The following MYO5A variants were observed in gnomAD, a reference collection of about 807,000 sequenced individuals.
MYO5A encodes myosin VA, also known as unconventional myosin-Va.
A neutral mutation model predicts 249.7 loss-of-function variants in MYO5A; 98 were observed. The ratio of observed to expected loss-of-function variants is 0.39; its 90% CI spans 0.33 to 0.46. The LOEUF (loss-of-function observed/expected upper bound fraction) is 0.46. Ranked by LOEUF, MYO5A falls within the 20% of genes least tolerant of loss-of-function variation. MYO5A has a pLI of 0.98. For missense variants in MYO5A, 1,696 were observed against 2,308.8 expected, an observed-to-expected ratio of 0.73 and a Z score of 5.44; for synonymous variants, 778 against 810.6, an observed-to-expected ratio of 0.96 and a Z score of 0.68.
chr15:52,321,569 T>G, intron 37 of MYO5A, 60 bp from the exon 38 acceptor site: 1 of 1,566,732 alleles, frequency 6.4e-7, no homozygotes, highest in Admixed American at 1.7e-5. Context: ...TCAGTTTAAC[T>G]ATCTCCAATT....
In MYO5A at chr15:52,370,147, G is replaced by C. The variant is rs561167815; in HGVS notation, c.3066+22C>G. The stretch of plus-strand genomic sequence containing the variant: ...CTCTCTTTTGTGTACGGAGTAGATG[G>C]GGATATGGACATTATTCCTACCTGC... On this transcript the variant is annotated intron_variant, in intron 22 of 41. Coordinates refer to ENST00000399233, the MANE Select transcript of MYO5A (RefSeq NM_001382347.1). The C allele has an allele frequency of 1.5e-4, 242 of 1,613,608 alleles. 5 individuals are homozygous for C. In the South Asian group the frequency reaches 2.5e-3, roughly 17 times the overall value.
At position 52,369,556 on chromosome 15, in the gene MYO5A, T is replaced by G. The variant is rs2414143; in HGVS notation, c.3066+613A>C. Among the ~76,000 whole-genome samples, 67 of 152,338 alleles carry G rather than the reference T, an allele frequency of 4.4e-4. 1 individual carries two copies. The East Asian group carries it at 7.1e-3, about 16-fold the overall frequency. On this transcript the variant is annotated intron_variant, in intron 22 of 41. Transcript: ENST00000399233. Reference sequence around the variant, plus strand: ...GAGGGTTCCATCTGCGTAAAGCTGTTGGTTGCAATCACTGTGCAGACATTT... The same window carrying G: ...GAGGGTTCCATCTGCGTAAAGCTGTGGGTTGCAATCACTGTGCAGACATTT...
chr15:52,398,880 T>C (rs1202372925), intron 9 of MYO5A, among the ~76,000 whole-genome samples: 1 of 152,010 alleles, frequency 6.6e-6, no homozygotes, highest in Non-Finnish European at 1.5e-5. Flanking sequence ...TCCCAGCTAC[T>C]GGGGAGGCTG....
chr15:52,336,447 A>T lies in MYO5A; in HGVS notation c.4408+16T>A. ...ACCAAGACTCAGTGACCGTCTTGAA[A>T]AAAAGGTTTAAATACCTTCTAGTTC... On this transcript the variant is annotated intron_variant, in intron 34 of 41. Coordinates refer to ENST00000399233, the MANE Select transcript of MYO5A (RefSeq NM_001382347.1). 6.5e-7 allele frequency: 1 copy of T among 1,544,500 alleles called. No individual in the cohort carries two copies. Among genetic ancestry groups the T allele is most frequent in the South Asian group, 1.1e-5 (1 of 87,196 alleles).
intron 25 of MYO5A, among the ~76,000 whole-genome samples, chr15:52,355,126 T>G (rs2040152868): frequency 6.6e-6 from 1 of 152,208 alleles, no homozygotes; most frequent in African/African-American, 2.4e-5. Context: ...AATGGGCAGA[T>G]TCTACATTTA....
At chr15:52,327,798 G>T in intron 36 of MYO5A, 54 bp downstream of exon 36, 1 of 1,525,486 alleles carries the variant, frequency 6.6e-7, no homozygotes, top group East Asian at 2.3e-5. Flanking sequence ...AATCAGTGCA[G>T]ATTCTGTCAT....
rs568459548 is a variant in MYO5A, at chr15:52,463,044, T to G, written c.28-29759A>C. 2.6e-5 allele frequency among the ~76,000 whole-genome samples: 4 copies of G among 152,240 alleles called. No individual in the cohort carries two copies. The South Asian group carries it at 8.3e-4, about 32-fold the overall frequency. On this transcript the variant is annotated intron_variant, in intron 1 of 41. Coordinates refer to ENST00000399233, the MANE Select transcript of MYO5A (RefSeq NM_001382347.1). ...AGAGAAACTGACAGGACAATGGGAA[T>G]CATAACAGAAAGATCAAAATTGATT... is the stretch of plus-strand genomic sequence containing the variant.
At chr15:52,330,274 T>C (rs1162987804) in intron 35 of MYO5A, 79 bp downstream of exon 35, 1 of 1,571,788 alleles carries the variant, frequency 6.4e-7, no homozygotes, top group Non-Finnish European at 8.8e-7. Flanking sequence ...GCTGAATATC[T>C]CAAAAATTAG....
chr15:52,319,146 C>T lies in MYO5A; in HGVS notation c.5148G>A (p.Gln1716=). 1 of 1,614,226 alleles carries T rather than the reference C, an allele frequency of 6.2e-7. No homozygotes were observed. The highest frequency in any genetic ancestry group is 8.5e-7 in the Non-Finnish European group (1 of 1,180,040). Residue 1716 remains glutamine, a synonymous_variant, in exon 39 of 42, where the codon CAG becomes CAA. Transcript: ENST00000399233. The part of the protein sequence containing the change: ...DPELIKQVVK[Q]MFYIIGAITL... ...TGATGGCCCCTATGATGTAGAACATCTGCTTGACCACCTGCTTGATCAGTT... is the reference window on the plus strand; with the variant it reads ...TGATGGCCCCTATGATGTAGAACATTTGCTTGACCACCTGCTTGATCAGTT...
At chr15:52,377,663 T>C (rs966921808) in intron 18 of MYO5A, among the ~76,000 whole-genome samples, 1 of 150,552 alleles carries the variant, frequency 6.6e-6, no homozygotes, top group South Asian at 2.2e-4. Flanking sequence ...CTCCGCCTTC[T>C]GGGTTCAAGC....
At chr15:52,331,126 T>C (rs1042045774) in intron 34 of MYO5A, among the ~76,000 whole-genome samples, 1 of 152,234 alleles carries the variant, frequency 6.6e-6, no homozygotes, top group African/African-American at 2.4e-5. Context: ...CCTGCCATCC[T>C]CATTCCCAGA....
At chr15:52,412,791 G>A (rs192750602) in intron 5 of MYO5A, among the ~76,000 whole-genome samples, 11 of 152,250 alleles carry the variant, frequency 7.2e-5, no homozygotes, top group African/African-American at 2.6e-4. Context: ...ATGTAATGAT[G>A]CATGAGTCAC....
At position 52,389,852 on chromosome 15, in the gene MYO5A, A is replaced by C. The variant is rs11637879; in HGVS notation, c.1543-489T>G. Among the ~76,000 whole-genome samples, 67 of 152,130 alleles carry C rather than the reference A, an allele frequency of 4.4e-4. No homozygotes were observed. The East Asian group carries it at 0.013, about 28-fold the overall frequency. ...ACCTGTAATCCCAGCTACTCAGGAG[A>C]CTGAGGCAGGAGAATCCCTTGAACC... is the stretch of plus-strand genomic sequence containing the variant. On this transcript the variant is annotated intron_variant, in intron 12 of 41. Coordinates refer to ENST00000399233, the MANE Select transcript of MYO5A (RefSeq NM_001382347.1).
At chr15:52,448,957 C>CTTTTTTTTTTTTTTTTTTTT (rs145765339) in intron 1 of MYO5A, among the ~76,000 whole-genome samples, 2 of 55,582 alleles carry the variant, frequency 3.6e-5, no homozygotes, top group Non-Finnish European at 6.3e-5. Context: ...TCTTGTCTTT[C>CTTTTTTTTTTTTTTTTTTTT]TTTTTTTTTT....
chr15:52,363,130 G>T lies in MYO5A; in HGVS notation c.3309+1424C>A, dbSNP rs1007983156. Among the ~76,000 whole-genome samples the T allele has an allele frequency of 2.6e-5, 4 of 152,172 alleles. No individual in the cohort carries two copies. In the East Asian group the frequency reaches 7.7e-4, roughly 29 times the overall value. ...CTTAGCTCTAACCATAACTGAAACA[G>T]AGATTAACCATAAATGTTGGCATTG... is the stretch of plus-strand genomic sequence containing the variant. On this transcript the variant is annotated intron_variant, in intron 24 of 41. Coordinates refer to ENST00000399233, the MANE Select transcript of MYO5A (RefSeq NM_001382347.1).
Position 52,384,277 on chromosome 15 carries a change from T to A in MYO5A, c.1798A>T (p.Ser600Cys), listed in dbSNP as rs1323661573. The A allele has an allele frequency of 1.9e-6, 3 of 1,614,238 alleles. No homozygotes were observed. The South Asian group carries it at 3.3e-5, about 18-fold the overall frequency. The change falls in exon 15 of 42, where the codon AGT (serine) becomes TGT (cysteine). Residue 600 changes from serine to cysteine, a missense_variant. Transcript: ENST00000399233. ...CCTGAGGAGGTGGCTGAAGTTGGAC[T>A]GATGGCCTTCTCATCATCTTGAAAT... ...ELFQDDEKAISPTSATSSGRT... is the reference protein window; with the variant it reads ...ELFQDDEKAICPTSATSSGRT...
chr15:52,333,451 T>C (rs1262942703), intron 34 of MYO5A, among the ~76,000 whole-genome samples: 1 of 152,194 alleles, frequency 6.6e-6, no homozygotes, highest in Non-Finnish European at 1.5e-5. Context: ...GAGAAATCAG[T>C]GGCCCTTAGA....
At chr15:52,326,018 C>T (rs1054314291) in intron 36 of MYO5A, among the ~76,000 whole-genome samples, 4 of 152,188 alleles carry the variant, frequency 2.6e-5, no homozygotes, top group African/African-American at 7.2e-5. Context: ...TAGAAATGAT[C>T]ATAAGCTAAA....
At chr15:52,448,713 T>C (rs1199190835) in intron 1 of MYO5A, among the ~76,000 whole-genome samples, 1 of 152,048 alleles carries the variant, frequency 6.6e-6, no homozygotes, top group East Asian at 1.9e-4. Context: ...GCTGTTCTTG[T>C]GATAGCGAAT....
Sources: allele counts gnomAD v4.1 joint callset (sites outside exome capture counted in the v4.1 genomes callset), GRCh38; gene constraint gnomAD v4.1.1; transcripts MANE v1.5; gene names NCBI Gene and HGNC (gene_info 2026-07-23, HGNC 2026-07-21).